The following EBF3 variants were observed in gnomAD, a reference collection of about 807,000 sequenced individuals.
EBF3 encodes the protein EBF transcription factor 3.
In EBF3, 18 loss-of-function variants were observed where a neutral mutation model predicts 77.1. That is an observed-to-expected ratio of 0.23 (90% CI 0.16 to 0.35). The LOEUF is 0.35. Among genes scored for constraint, EBF3 ranks in the 10% least tolerant of loss-of-function variants. EBF3 has a pLI of 1.00. For missense variants in EBF3, 558 were observed against 860.0 expected, an observed-to-expected ratio of 0.65 and a Z score of 4.39; for synonymous variants, 350 against 343.5, an observed-to-expected ratio of 1.02 and a Z score of -0.21.
chr10:129,866,627 C>A (rs1852029934), intron 10 of EBF3, among the ~76,000 whole-genome samples: 1 of 152,206 alleles, frequency 6.6e-6, no homozygotes, highest in Admixed American at 6.5e-5. Flanking sequence ...GGGTTCAAGA[C>A]CCCAGGCTGG....
In EBF3 at chr10:129,947,736, G is replaced by A. The variant is rs58400650; in HGVS notation, c.554+9522C>T. ...ACGGGCAAACTTCTGAAAGCCTGGT[G>A]AACCCCACTGATGACATCCAAACAC... On this transcript the variant is annotated intron_variant, in intron 6 of 16. Coordinates refer to ENST00000440978, the MANE Select transcript of EBF3 (RefSeq NM_001375380.1). The surrounding 1 kb of genome is among the most constrained non-coding windows in gnomAD (Gnocchi z 4.5). Among the ~76,000 whole-genome samples the A allele has an allele frequency of 5.6e-3, 837 of 150,004 alleles. 6 individuals carry two copies. The highest frequency in any genetic ancestry group is 0.019 in the African/African-American group (774 of 40,886).
At chr10:129,951,382 C>A (rs1419455932) in intron 6 of EBF3, among the ~76,000 whole-genome samples, 1 of 152,242 alleles carries the variant, frequency 6.6e-6, no homozygotes. Context: ...CGTCAACATG[C>A]CTCCCAGAGT....
Position 129,863,992 on chromosome 10 carries a change from C to G in EBF3, c.1039+3149G>C, listed in dbSNP as rs948286842. On this transcript the variant is annotated intron_variant, in intron 10 of 16. Coordinates refer to ENST00000440978, the MANE Select transcript of EBF3 (RefSeq NM_001375380.1). This position sits in a 1 kb window ranked among gnomAD's most constrained non-coding sequence, Gnocchi z 4.0. ...TGGAGGAAATCCCTGAAGCTTCGGG[C>G]AGCCAGGACCCTGAGCTTGTGCCTG... 4.6e-4 allele frequency among the ~76,000 whole-genome samples: 70 copies of G among 152,278 alleles called. No homozygotes were observed. The highest frequency in any genetic ancestry group is 1.6e-3 in the African/African-American group (67 of 41,560).
intron 6 of EBF3, among the ~76,000 whole-genome samples, chr10:129,930,033 C>G (rs143920115): frequency 2.1e-3 from 313 of 152,268 alleles, no homozygotes; most frequent in African/African-American, 7.1e-3. Flanking sequence ...AGGTGAGTGT[C>G]TCCCTCTGTC....
intron 4 of EBF3, 79 bp downstream of exon 4, chr10:129,962,092 G>A (rs1470610902): frequency 7.4e-7 from 1 of 1,352,204 alleles, no homozygotes; most frequent in African/African-American, 1.4e-5. Context: ...AGATCCATTT[G>A]TCAGTGCCCT....
At chr10:129,869,068 T>C (rs1852231067) in intron 8 of EBF3, among the ~76,000 whole-genome samples, 1 of 152,218 alleles carries the variant, frequency 6.6e-6, no homozygotes, top group African/African-American at 2.4e-5. Context: ...CTCTTCGATG[T>C]ACAGGTCTCC....
chr10:129,950,945 C>A (rs1386669653), intron 6 of EBF3, among the ~76,000 whole-genome samples: 1 of 152,220 alleles, frequency 6.6e-6, no homozygotes, highest in Non-Finnish European at 1.5e-5. Flanking sequence ...TTCCTGTCTG[C>A]AATGACAATT....
intron 4 of EBF3, among the ~76,000 whole-genome samples, chr10:129,959,992 A>G (rs2134632803): frequency 6.6e-6 from 1 of 152,238 alleles, no homozygotes; most frequent in South Asian, 2.1e-4. Flanking sequence ...GATGGTGCGA[A>G]GCCCTAGGTG....
intron 6 of EBF3, among the ~76,000 whole-genome samples, chr10:129,906,034 G>C (rs1855120094): frequency 6.6e-6 from 1 of 152,170 alleles, no homozygotes; most frequent in African/African-American, 2.4e-5. Flanking sequence ...GCCTTACTCA[G>C]AATCTAAGCA....
chr10:129,886,981 C>CAGCG (rs1457880596), intron 6 of EBF3, among the ~76,000 whole-genome samples: 1 of 148,320 alleles, frequency 6.7e-6, no homozygotes, highest in Non-Finnish European at 1.5e-5. Flanking sequence ...AAATACCGAT[C>CAGCG]AGCGCCTGGC....
At chr10:129,951,822 C>T (rs540692926) in intron 6 of EBF3, among the ~76,000 whole-genome samples, 4 of 152,354 alleles carry the variant, frequency 2.6e-5, no homozygotes, top group East Asian at 1.9e-4. Flanking sequence ...CTGTTCCTGG[C>T]GCCTCCCTCT....
rs1849680762 is a variant in EBF3, at chr10:129,837,483, T to TAGAG, written c.*456_*459dup. The stretch of plus-strand genomic sequence containing the variant: ...CACCACAAAAAAATATTTCACATTA[T>TAGAG]AGAGATACACAACCATTGTGAATCT... On this transcript the variant is annotated 3_prime_UTR_variant, in exon 17 of 17. Coordinates refer to ENST00000440978, the MANE Select transcript of EBF3 (RefSeq NM_001375380.1). The TAGAG allele has an allele frequency of 6.1e-6, 1 of 163,956 alleles. No homozygotes were observed. Among genetic ancestry groups the TAGAG allele is most frequent in the South Asian group, 1.6e-4 (1 of 6,282 alleles). The allele number at this position is 163,956 out of a possible 1,614,324, so 10.2% of individuals were successfully genotyped here.
intron 6 of EBF3, among the ~76,000 whole-genome samples, chr10:129,878,823 C>CAAAAAAAAAAAA (rs10654202): frequency 1.7e-5 from 1 of 58,772 alleles, no homozygotes; most frequent in Non-Finnish European, 3.1e-5. Context: ...AAATCGGTCT[C>CAAAAAAAAAAAA]AAAAAAAAAA....
chr10:129,869,957 C>T (rs1003960748), intron 8 of EBF3, among the ~76,000 whole-genome samples: 1 of 151,728 alleles, frequency 6.6e-6, no homozygotes, highest in Non-Finnish European at 1.5e-5. Context: ...AGGGGGTGAC[C>T]TTCATCAGCA....
chr10:129,839,347 C>T (rs901758512), intron 15 of EBF3, among the ~76,000 whole-genome samples, 152 bp from the exon 16 acceptor site: 2 of 152,194 alleles, frequency 1.3e-5, no homozygotes, highest in African/African-American at 4.8e-5. Context: ...GCCTGCGGGC[C>T]TCAGCACCTC....
Position 129,963,813 on chromosome 10 carries a change from C to T in EBF3, c.-45G>A, listed in dbSNP as rs768421278. ...CGCAGCTCCCGGCCGAAAGCGTTTC[C>T]TCGAGCAGCGGCGCTCGGGGCTTGG... On this transcript the variant is annotated 5_prime_UTR_variant, in exon 1 of 17. Transcript: ENST00000440978. The surrounding 1 kb of genome is among the most constrained non-coding windows in gnomAD (Gnocchi z 7.1). The T allele has an allele frequency of 6.8e-6, 10 of 1,480,260 alleles. No homozygotes were observed. In the East Asian group the frequency reaches 2.8e-4, roughly 42 times the overall value. The allele number at this position is 1,480,260 out of a possible 1,614,324, so 91.7% of individuals were successfully genotyped here.
Position 129,861,218 on chromosome 10 carries a change from G to C in EBF3, c.1039+5923C>G, listed in dbSNP as rs1851610821. 6.6e-6 allele frequency among the ~76,000 whole-genome samples: 1 copy of C among 152,136 alleles called. No homozygotes were observed. Among genetic ancestry groups the C allele is most frequent in the Admixed American group, 6.5e-5 (1 of 15,282 alleles). On this transcript the variant is annotated intron_variant, in intron 10 of 16. Coordinates refer to ENST00000440978, the MANE Select transcript of EBF3 (RefSeq NM_001375380.1). This position sits in a 1 kb window ranked among gnomAD's most constrained non-coding sequence, Gnocchi z 4.3. ...CCTGCCCTCCCTCCCTTCCTTTGTG[G>C]CTCTGCCTAAGGGGCCCTGAGGACC...
intron 11 of EBF3, among the ~76,000 whole-genome samples, chr10:129,847,117 G>A (rs1369852695): frequency 6.6e-6 from 1 of 152,154 alleles, no homozygotes; most frequent in Admixed American, 6.5e-5. Flanking sequence ...GTGGGGTTCT[G>A]CAGGGACCTG....
intron 6 of EBF3, among the ~76,000 whole-genome samples, chr10:129,921,210 A>AGG (rs11400302): frequency 6.6e-6 from 1 of 152,076 alleles, no homozygotes; most frequent in African/African-American, 2.4e-5. Context: ...GCAGTGGGCA[A>AGG]GGGGTCCCTG....
Sources: gnomAD v4.1 joint callset for allele counts (sites outside exome capture counted in the v4.1 genomes callset) on GRCh38, gnomAD v4.1.1 for gene constraint, Gnocchi (gnomAD v3.1) non-coding constraint, MANE v1.5 for transcripts, NCBI Gene and HGNC (gene_info 2026-07-23, HGNC 2026-07-21) for gene names.